COL13A1: variants seen among roughly 807,000 people sequenced by gnomAD.
COL13A1 encodes the protein collagen type XIII alpha 1 chain.
A neutral mutation model predicts 130.9 loss-of-function variants in COL13A1; 89 were observed. That is an observed-to-expected ratio of 0.68 (90% confidence interval 0.57 to 0.81). The LOEUF is 0.81. Ranked by LOEUF, COL13A1 falls within the 30% of genes least tolerant of loss-of-function variation. The pLI is 0.00. For synonymous variants in COL13A1, 402 were observed against 341.6 expected, an observed-to-expected ratio of 1.18 and a Z score of -1.95; for missense variants, 879 against 934.6, an observed-to-expected ratio of 0.94 and a Z score of 0.78.
At chr10:69,854,848 G>A (rs891269323) in intron 2 of COL13A1, among the ~76,000 whole-genome samples, 9 of 152,158 alleles carry the variant, frequency 5.9e-5, no homozygotes, top group African/African-American at 1.7e-4. Context: ...GGTACTCAGC[G>A]CAGGGCTTGG....
intron 14 of COL13A1, among the ~76,000 whole-genome samples, chr10:69,899,533 A>G (rs12251464): frequency 0.017 from 2,620 of 152,224 alleles, 78 homozygotes; most frequent in African/African-American, 0.06. Context: ...CCTCCTCTCT[A>G]CTTAGAAATG....
intron 2 of COL13A1, among the ~76,000 whole-genome samples, chr10:69,844,254 G>T (rs1019915121): frequency 5.3e-5 from 8 of 152,194 alleles, no homozygotes; most frequent in African/African-American, 1.9e-4. Flanking sequence ...GGCTGTCCAG[G>T]GAGGATGGGC....
intron 29 of COL13A1, 120 bp downstream of exon 29, chr10:69,930,207 A>G: frequency 1.2e-6 from 1 of 864,880 alleles, no homozygotes; most frequent in South Asian, 1.7e-5. Flanking sequence ...AGGGAAGGGG[A>G]GATGGGGGGG....
At chr10:69,871,619 C>T (rs745467625) in intron 3 of COL13A1, among the ~76,000 whole-genome samples, 2 of 152,138 alleles carry the variant, frequency 1.3e-5, no homozygotes, top group Non-Finnish European at 2.9e-5. Flanking sequence ...ACTTGTCTCC[C>T]AGGGAACACC....
chr10:69,873,943 G>T (rs962537352), intron 4 of COL13A1, among the ~76,000 whole-genome samples: 1 of 152,158 alleles, frequency 6.6e-6, no homozygotes, highest in Non-Finnish European at 1.5e-5. Context: ...GCCAGGCACT[G>T]GCCACATGCT....
chr10:69,826,258 G>T (rs56209177), intron 2 of COL13A1, among the ~76,000 whole-genome samples: 1 of 152,186 alleles, frequency 6.6e-6, no homozygotes, highest in Non-Finnish European at 1.5e-5. Flanking sequence ...GGTGGGGCAG[G>T]CAGTGTGAAG....
intron 38 of COL13A1, among the ~76,000 whole-genome samples, chr10:69,951,872 A>C (rs2069619130): frequency 6.6e-6 from 1 of 152,106 alleles, no homozygotes; most frequent in Admixed American, 6.5e-5. Context: ...TCCCCCTTCC[A>C]TAGAGGAGGG....
intron 2 of COL13A1, among the ~76,000 whole-genome samples, chr10:69,858,696 G>A (rs1460937311): frequency 2.0e-5 from 3 of 152,222 alleles, no homozygotes; most frequent in Admixed American, 6.5e-5. Flanking sequence ...CCAGGAATGA[G>A]GCCACATGGT....
chr10:69,859,001 T>G (rs1857234323), intron 2 of COL13A1, among the ~76,000 whole-genome samples: 1 of 152,104 alleles, frequency 6.6e-6, no homozygotes, highest in Admixed American at 6.5e-5. Flanking sequence ...ATGATGCATG[T>G]CTTTGGGGCT....
chr10:69,828,595 C>T (rs566305237), intron 2 of COL13A1, among the ~76,000 whole-genome samples: 141 of 152,380 alleles, frequency 9.3e-4, no homozygotes, highest in African/African-American at 3.3e-3. Flanking sequence ...CACTTGCACA[C>T]AACTCATGCT....
chr10:69,834,264 CT>C (rs1337067186), intron 2 of COL13A1, among the ~76,000 whole-genome samples: 2 of 152,206 alleles, frequency 1.3e-5, no homozygotes, highest in African/African-American at 2.4e-5. Context: ...TGACCTCCTG[CT>C]GTGAGGCCTG....
intron 1 of COL13A1, among the ~76,000 whole-genome samples, chr10:69,808,929 T>TCCCAG (rs761879689): frequency 5.9e-5 from 9 of 152,344 alleles, no homozygotes; most frequent in Non-Finnish European, 1.3e-4. Flanking sequence ...CTTCTGTGTG[T>TCCCAG]CCAGGCTGCA....
chr10:69,952,434 CA>C (rs2136322283), intron 38 of COL13A1, among the ~76,000 whole-genome samples: 1 of 152,318 alleles, frequency 6.6e-6, no homozygotes, highest in South Asian at 2.1e-4. Flanking sequence ...GGGCTCCAAG[CA>C]AAATCACCTT....
At chr10:69,874,297 C>T (rs1357196969) in intron 4 of COL13A1, among the ~76,000 whole-genome samples, 1 of 152,218 alleles carries the variant, frequency 6.6e-6, no homozygotes, top group Non-Finnish European at 1.5e-5. Flanking sequence ...GCAGTCCCCT[C>T]CTGTCCAGCA....
intron 17 of COL13A1, among the ~76,000 whole-genome samples, chr10:69,906,246 G>A (rs1165674581): frequency 6.6e-6 from 1 of 152,214 alleles, no homozygotes; most frequent in Non-Finnish European, 1.5e-5. Flanking sequence ...TGATGAATGG[G>A]CAGATGTATC....
In COL13A1 at chr10:69,909,675, C is replaced by T. The variant is rs139707436; in HGVS notation, c.921+3853C>T. 2.3e-3 allele frequency among the ~76,000 whole-genome samples: 346 copies of T among 152,326 alleles called. 3 individuals carry two copies. Among genetic ancestry groups the T allele is most frequent in the Non-Finnish European group, 3.8e-3 (260 of 68,032 alleles). ...GGACTTGAGGTCATTCCTTGGGAGGCTATAAATGCCTATCCCACTGCCCCA... is the reference window on the plus strand; with the variant it reads ...GGACTTGAGGTCATTCCTTGGGAGGTTATAAATGCCTATCCCACTGCCCCA... On this transcript the variant is annotated intron_variant, in intron 17 of 40. Transcript: ENST00000645393.
chr10:69,825,958 C>T (rs1847379132), intron 2 of COL13A1, among the ~76,000 whole-genome samples: 1 of 152,176 alleles, frequency 6.6e-6, no homozygotes, highest in African/African-American at 2.4e-5. Context: ...AAAGGTCAAC[C>T]CTCAGTTAGG....
At chr10:69,860,640 T>G in intron 2 of COL13A1, 1 of 173,492 alleles carries the variant, frequency 5.8e-6, no homozygotes, top group Non-Finnish European at 1.3e-5. Flanking sequence ...TCGTTCCTCT[T>G]GCCAGGGGCT....
intron 5 of COL13A1, chr10:69,877,697 TCTCACACACACACACACA>T (rs1481553968): frequency 2.4e-4 from 24 of 99,900 alleles, no homozygotes; most frequent in South Asian, 2.3e-3. Context: ...TCTCTCTCTC[TCTCACACACACACACACA>T]CACACACACA....
Sources: allele counts gnomAD v4.1 joint callset (sites outside exome capture counted in the v4.1 genomes callset), GRCh38; gene constraint gnomAD v4.1.1; transcripts MANE v1.5; gene names NCBI Gene and HGNC (gene_info 2026-07-23, HGNC 2026-07-21).